KIF22: variants seen among roughly 807,000 people sequenced by gnomAD.
KIF22 encodes kinesin-like protein KIF22.
A neutral mutation model predicts 73.0 loss-of-function variants in KIF22; 62 were observed. The ratio of observed to expected loss-of-function variants is 0.85; its 90% CI spans 0.69 to 1.05. The LOEUF (loss-of-function observed/expected upper bound fraction) is 1.05. Ranked by LOEUF, KIF22 falls within the 50% of genes least tolerant of loss-of-function variation. The pLI, the probability that KIF22 is intolerant of heterozygous loss-of-function variation, is 0.00. For synonymous variants in KIF22, 411 were observed against 340.1 expected, an observed-to-expected ratio of 1.21 and a Z score of -2.29; for missense variants, 854 against 870.1, an observed-to-expected ratio of 0.98 and a Z score of 0.23.
chr16:29,803,357 T>C, intron 9 of KIF22, 92 bp from the exon 10 acceptor site: 2 of 1,497,508 alleles, frequency 1.3e-6, no homozygotes, highest in Admixed American at 2.0e-5. Context: ...CTCTGGGGGC[T>C]CAGAGCCTTG....
chr16:29,799,986 G>C lies in KIF22; in HGVS notation c.1218G>C (p.Glu406Asp). The C allele has an allele frequency of 6.2e-7, 1 of 1,614,144 alleles. No individual in the cohort carries two copies. The highest frequency in any genetic ancestry group is 8.5e-7 in the Non-Finnish European group (1 of 1,180,038). ...PPEAKRARGP[E>D]EEEIGSPEPM... ...AGGCAAAGAGAGCCCGAGGCCCTGA[G>C]GAAGAGGAGATCGGGAGCCCTGAGC... Residue 406 changes from glutamate (E) to aspartate (D), a missense_variant, in exon 8 of 14, where the codon GAG becomes GAC. Transcript: ENST00000160827.
At chr16:29,791,976 A>G (rs1011860557) in intron 1 of KIF22, among the ~76,000 whole-genome samples, 2 of 152,188 alleles carry the variant, frequency 1.3e-5, no homozygotes, top group Non-Finnish European at 2.9e-5. Context: ...ACATACGTAG[A>G]TGTAATACGA....
rs768381500 is a variant in KIF22, at chr16:29,804,054, C to T, written c.1666C>T (p.Arg556Trp). 70 of 1,613,484 alleles carry T rather than the reference C, an allele frequency of 4.3e-5. No individual in the cohort carries two copies. The Middle Eastern group carries it at 4.9e-4, about 11-fold the overall frequency. The stretch of plus-strand genomic sequence containing the variant: ...GATCCACATCCTGAAGAATAAAGGC[C>T]GGAAGAGAAAGGTGAAAGTAGCTGG... ...AEIHILKNKG[R>W]KRKLESLDAL... Residue 556 changes from arginine (R) to tryptophan (W), a missense_variant, in exon 11 of 14, where the codon CGG becomes TGG. Physicochemically the swap from Arg to Trp is moderately radical, Grantham distance 101. This residue lies in a region of KIF22 where 423 missense variants were observed against 365.4 expected (regional missense o/e 1.16). Transcript: ENST00000160827.
intron 10 of KIF22, 94 bp from the exon 11 acceptor site, chr16:29,803,904 A>G: frequency 1.1e-6 from 1 of 949,592 alleles, no homozygotes; most frequent in Non-Finnish European, 1.7e-6. Context: ...GATGGAGGGG[A>G]GCTGGGGAAT....
chr16:29,803,930 C>A lies in KIF22; in HGVS notation c.1610-68C>A, dbSNP rs551218713. ...GCTGGGGAATCAGAAATGGAAGAAT[C>A]GAAGGGCTACCAGGGAGGGTGAAAA... On this transcript the variant is annotated intron_variant, in intron 10 of 13. Transcript: ENST00000160827. The A allele has an allele frequency of 4.4e-5, 54 of 1,216,804 alleles. No homozygotes were observed. The African/African-American group carries it at 5.8e-4, about 13-fold the overall frequency. 75.4% of individuals were successfully genotyped at this position (1,216,804 alleles called of 1,614,324 possible).
At chr16:29,791,629 T>C (rs1267726649) in intron 1 of KIF22, among the ~76,000 whole-genome samples, 1 of 152,210 alleles carries the variant, frequency 6.6e-6, no homozygotes, top group East Asian at 1.9e-4. Context: ...CCAGGCACAG[T>C]TGTAGGCATT....
rs762832998 is a variant in KIF22, at chr16:29,798,769, G to A, written c.549+22G>A. On this transcript the variant is annotated intron_variant, in intron 4 of 13. Coordinates refer to ENST00000160827, the MANE Select transcript of KIF22 (RefSeq NM_007317.3). This position sits in a 1 kb window ranked among gnomAD's most constrained non-coding sequence, Gnocchi z 4.1. ...GAAGGTGAGGCCCCGTGCTGGTTGG[G>A]AGAGGAGCAACAAAGGGTCAAAGTA... is the stretch of plus-strand genomic sequence containing the variant. 6.2e-7 allele frequency: 1 copy of A among 1,609,812 alleles called. No homozygotes were observed. Among genetic ancestry groups the A allele is most frequent in the Admixed American group, 1.7e-5 (1 of 59,304 alleles).
chr16:29,799,524 G>A lies in KIF22; in HGVS notation c.990+30G>A, dbSNP rs368607950. On this transcript the variant is annotated intron_variant, in intron 6 of 13. Coordinates refer to ENST00000160827, the MANE Select transcript of KIF22 (RefSeq NM_007317.3). ...GGCCCACCTGTCTCAGGGAAGAAGG[G>A]GCTGCAGAAGGAGGTTCTCAGGCCT... 1,529 of 1,612,818 alleles carry A rather than the reference G, an allele frequency of 9.5e-4. 2 individuals are homozygous for A. Among genetic ancestry groups the A allele is most frequent in the Non-Finnish European group, 1.0e-3 (1,201 of 1,178,870 alleles).
At position 29,798,459 on chromosome 16, in the gene KIF22, G is replaced by A; in HGVS notation, c.352G>A (p.Gly118Arg). ...GCCCATCCTAAGGCACTTGCTGGAA[G>A]GGCAGAATGCCAGTGTGCTTGCCTA... is the stretch of plus-strand genomic sequence containing the variant. ...VQPILRHLLE[G>R]QNASVLAYGP... Residue 118 changes from glycine (G) to arginine (R), a missense_variant, in exon 3 of 14, where the codon GGG becomes AGG. This residue lies in a region of KIF22 where 245 missense variants were observed against 351.8 expected (regional missense o/e 0.70). Transcript: ENST00000160827. The surrounding 1 kb of genome is among the most constrained non-coding windows in gnomAD (Gnocchi z 4.1). 6.2e-7 allele frequency: 1 copy of A among 1,614,170 alleles called. No homozygotes were observed.
In KIF22 at chr16:29,796,976, C is replaced by T; in HGVS notation, c.154C>T (p.Pro52Ser). Reference protein sequence around the residue: ...ARVRVAVRLRPFVDGTAGASD... With the variant: ...ARVRVAVRLRSFVDGTAGASD... ...CGTAAGGGTGGCTGTGCGACTGCGG[C>T]CATTTGTGGATGGAACAGCGGGAGC... is the stretch of plus-strand genomic sequence containing the variant. The change falls in exon 2 of 14, where the codon CCA becomes TCA. Residue 52 changes from proline to serine, a missense_variant. This residue lies in a region of KIF22 where 186 missense variants were observed against 152.9 expected (regional missense o/e 1.22). Coordinates refer to ENST00000160827, the MANE Select transcript of KIF22 (RefSeq NM_007317.3). 6.2e-7 allele frequency: 1 copy of T among 1,614,128 alleles called. No homozygotes were observed. Among genetic ancestry groups the T allele is most frequent in the African/African-American group, 1.3e-5 (1 of 75,020 alleles).
Position 29,798,397 on chromosome 16 carries a change from G to C in KIF22, c.290G>C (p.Arg97Thr). ...AGGTTTGATGCCTTCTATGGGGAGAGGAGTACTCAGCAGGACATCTATGCA... is the reference window on the plus strand; with the variant it reads ...AGGTTTGATGCCTTCTATGGGGAGACGAGTACTCAGCAGGACATCTATGCA... ...KYQFDAFYGE[R>T]STQQDIYAGS... Residue 97 changes from arginine to threonine, a missense_variant, in exon 3 of 14, where the codon AGG becomes ACG. Around this residue, in one of 3 missense-constraint regions of KIF22, gnomAD observed 186 missense variants for 152.9 expected, o/e 1.22. Coordinates refer to ENST00000160827, the MANE Select transcript of KIF22 (RefSeq NM_007317.3). The surrounding 1 kb of genome is among the most constrained non-coding windows in gnomAD (Gnocchi z 4.1). 6.4e-7 allele frequency: 1 copy of C among 1,565,410 alleles called. No homozygotes were observed. Among genetic ancestry groups the C allele is most frequent in the Non-Finnish European group, 8.7e-7 (1 of 1,148,888 alleles).
At chr16:29,803,022 G>C in intron 9 of KIF22, 85 bp downstream of exon 9, 3 of 1,378,854 alleles carry the variant, frequency 2.2e-6, no homozygotes, top group Non-Finnish European at 3.1e-6. Flanking sequence ...AGGACACTCA[G>C]GCTGGACTAG....
At position 29,804,337 on chromosome 16, in the gene KIF22, C is replaced by T. The variant is rs1377817719; in HGVS notation, c.1677+272C>T. ...CCCTCTACAAGCTTAAGAGGGAAAACTTAGGGAACTATGACCTAAGCAGTC... is the reference window on the plus strand; with the variant it reads ...CCCTCTACAAGCTTAAGAGGGAAAATTTAGGGAACTATGACCTAAGCAGTC... On this transcript the variant is annotated intron_variant, in intron 11 of 13. Coordinates refer to ENST00000160827, the MANE Select transcript of KIF22 (RefSeq NM_007317.3). 2.3e-5 allele frequency: 14 copies of T among 601,716 alleles called. No individual in the cohort carries two copies. The East Asian group carries it at 3.0e-4, about 13-fold the overall frequency. The allele number at this position is 601,716 out of a possible 1,614,324, so 37.3% of individuals were successfully genotyped here.
intron 1 of KIF22, among the ~76,000 whole-genome samples, chr16:29,793,590 G>A (rs1372494512): frequency 3.3e-5 from 5 of 152,100 alleles, no homozygotes; most frequent in African/African-American, 9.7e-5. Context: ...GTCTCAGCTC[G>A]GGGCAACTTT....
At position 29,798,393 on chromosome 16, in the gene KIF22, G is replaced by A; in HGVS notation, c.286G>A (p.Glu96Lys). 6.2e-7 allele frequency: 1 copy of A among 1,605,422 alleles called. No homozygotes were observed. The highest frequency in any genetic ancestry group is 8.5e-7 in the Non-Finnish European group (1 of 1,174,080). The change falls in exon 3 of 14, where the codon GAG becomes AAG. Residue 96 changes from glutamate to lysine, a missense_variant. Coordinates refer to ENST00000160827, the MANE Select transcript of KIF22 (RefSeq NM_007317.3). The surrounding 1 kb of genome is among the most constrained non-coding windows in gnomAD (Gnocchi z 4.1). ...LKYQFDAFYG[E>K]RSTQQDIYAG... Reference sequence around the variant, plus strand: ...CTGCAGGTTTGATGCCTTCTATGGGGAGAGGAGTACTCAGCAGGACATCTA... The same window carrying A: ...CTGCAGGTTTGATGCCTTCTATGGGAAGAGGAGTACTCAGCAGGACATCTA...
intron 1 of KIF22, chr16:29,791,227 T>C (rs1596839759): frequency 2.1e-5 from 23 of 1,075,632 alleles, no homozygotes; most frequent in Non-Finnish European, 2.5e-5. Context: ...CGGAGGCGTG[T>C]ATTGGGAAGG....
Position 29,799,443 on chromosome 16 carries a change from G to C in KIF22, c.939G>C (p.Gln313His). 1 of 1,614,210 alleles carries C rather than the reference G, an allele frequency of 6.2e-7. No individual in the cohort carries two copies. The change falls in exon 6 of 14, where the codon CAG (glutamine) becomes CAC (histidine). Residue 313 changes from glutamine (Q) to histidine (H), a missense_variant. Gln to His is a conservative substitution (Grantham distance 24). Transcript: ENST00000160827. ...VLGKVVDALN[Q>H]GLPRVPYRDS... ...GCAAAGTGGTAGATGCGCTGAATCAGGGCCTCCCTCGTGTACCTTATCGGG... is the reference window on the plus strand; with the variant it reads ...GCAAAGTGGTAGATGCGCTGAATCACGGCCTCCCTCGTGTACCTTATCGGG...
rs375396484 is a variant in KIF22 at position 29,798,758 on chromosome 16, G to A, written c.549+11G>A. 9.3e-6 allele frequency: 15 copies of A among 1,612,314 alleles called. No homozygotes were observed. The highest frequency in any genetic ancestry group is 8.0e-5 in the African/African-American group (6 of 74,854). On this transcript the variant is annotated intron_variant, in intron 4 of 13. Transcript: ENST00000160827. This position sits in a 1 kb window ranked among gnomAD's most constrained non-coding sequence, Gnocchi z 4.1. ...ATCTACCAGGAGAAGGTGAGGCCCC[G>A]TGCTGGTTGGGAGAGGAGCAACAAA... is the stretch of plus-strand genomic sequence containing the variant.
In KIF22 at chr16:29,797,237, G is replaced by C; in HGVS notation, c.266+149G>C. On this transcript the variant is annotated intron_variant, in intron 2 of 13. Transcript: ENST00000160827. The surrounding 1 kb of genome is among the most constrained non-coding windows in gnomAD (Gnocchi z 4.1). ...ACTGTTCACTTAGGAAATGTTGACAGGTGCCCCCATGATGGGCCCTCTCTG... is the reference window on the plus strand; with the variant it reads ...ACTGTTCACTTAGGAAATGTTGACACGTGCCCCCATGATGGGCCCTCTCTG... 1 of 608,450 alleles carries C rather than the reference G, an allele frequency of 1.6e-6. No homozygotes were observed. Among genetic ancestry groups the C allele is most frequent in the Non-Finnish European group, 2.8e-6 (1 of 356,134 alleles). 37.7% of individuals were successfully genotyped at this position (608,450 alleles called of 1,614,324 possible). A position where few individuals can be genotyped will look rare whatever the true frequency, so the allele number is the denominator to read the frequency against.
Sources: gnomAD v4.1 joint callset for allele counts (sites outside exome capture counted in the v4.1 genomes callset) on GRCh38, gnomAD v4.1.1 for gene constraint, gnomAD v4.1.1 regional missense constraint, Gnocchi (gnomAD v3.1) non-coding constraint, MANE v1.5 for transcripts, NCBI Gene and HGNC (gene_info 2026-07-23, HGNC 2026-07-21) for gene names.